Variants in KIF7 observed in about 807,000 individuals in gnomAD.
KIF7 encodes kinesin-like protein KIF7.
KIF7 carries 104 observed loss-of-function variants against 135.7 expected under a neutral mutation model. That is an observed-to-expected ratio of 0.77 (90% CI 0.65 to 0.90). KIF7 has a LOEUF of 0.90. Ranked by LOEUF, KIF7 falls within the 40% of genes least tolerant of loss-of-function variation. The pLI, the probability that KIF7 is intolerant of heterozygous loss-of-function variation, is 0.00. For missense variants in KIF7, 2,005 were observed against 1,839.1 expected (o/e 1.09, Z -1.65); for synonymous variants, 883 against 809.4 (o/e 1.09, Z -1.54).
In KIF7 at chr15:89,642,209, C is replaced by A. The variant is rs781770350; in HGVS notation, c.2388G>T (p.Gln796His). The change falls in exon 11 of 19, where the codon CAG becomes CAT. Residue 796 changes from glutamine (Q) to histidine (H), a missense_variant. Coordinates refer to ENST00000394412, the MANE Select transcript of KIF7 (RefSeq NM_198525.3). ...FRRRVAAAQSQVQVLKEKKQA... is the reference protein window; with the variant it reads ...FRRRVAAAQSHVQVLKEKKQA... ...CTGAGGCCCCGAGACTAACCTGCAC[C>A]TGGCTCTGGGCCGCAGCGACCCTCC... is the stretch of plus-strand genomic sequence containing the variant. 2 of 1,610,346 alleles carry A rather than the reference C, an allele frequency of 1.2e-6. No homozygotes were observed. Among genetic ancestry groups the A allele is most frequent in the Non-Finnish European group, 1.7e-6 (2 of 1,179,564 alleles).
chr15:89,624,983 C>G (rs140397206), downstream of KIF7: 2 of 1,613,972 alleles, frequency 1.2e-6, no homozygotes, highest in Non-Finnish European at 1.7e-6. Flanking sequence ...AGCCCACAGA[C>G]CTATGAGGTT....
Position 89,654,436 on chromosome 15 carries a change from G to A in KIF7, c.-25+963C>T, listed in dbSNP as rs1964176739. Among the ~76,000 whole-genome samples the A allele has an allele frequency of 2.0e-5, 3 of 151,860 alleles. No individual in the cohort carries two copies. The South Asian group carries it at 6.2e-4, about 32-fold the overall frequency. ...TCCTCTCTCTGCCTGCAACGGCTAG[G>A]TGTTACCCAAGCCTCCTCATCCCTC... is the stretch of plus-strand genomic sequence containing the variant. On this transcript the variant is annotated intron_variant, in intron 1 of 18. Transcript: ENST00000394412.
downstream of KIF7, chr15:89,625,006 C>G (rs1178488594): frequency 1.2e-6 from 2 of 1,613,972 alleles, no homozygotes; most frequent in Non-Finnish European, 1.7e-6. Context: ...GCTGGAGATG[C>G]AAGCTTCTGG....
chr15:89,628,606 A>C lies in KIF7; in HGVS notation c.3845T>G (p.Leu1282Arg), dbSNP rs778142943. The change falls in exon 19 of 19, where the codon CTG (leucine) becomes CGG (arginine). Residue 1282 changes from leucine to arginine, a missense_variant. Coordinates refer to ENST00000394412, the MANE Select transcript of KIF7 (RefSeq NM_198525.3). ...PLPLTWKRSS[L>R]CGEEQGSPEE... ...GGGGGACCCCTGCTCCTCACCACAC[A>C]GGCTCGAGCGTTTCCAGGTCAAGGG... The C allele has an allele frequency of 6.2e-7, 1 of 1,613,324 alleles. No homozygotes were observed. Among genetic ancestry groups the C allele is most frequent in the Admixed American group, 1.7e-5 (1 of 60,028 alleles).
At chr15:89,644,654 C>T (rs1235077369) in intron 10 of KIF7, among the ~76,000 whole-genome samples, 1 of 152,104 alleles carries the variant, frequency 6.6e-6, no homozygotes, top group East Asian at 1.9e-4. Flanking sequence ...CACTGCACTC[C>T]AGCCTGGGTG....
In KIF7 at chr15:89,649,235, A is replaced by C. The variant is rs1964082110; in HGVS notation, c.662T>G (p.Phe221Cys). The change falls in exon 4 of 19, where the codon TTC becomes TGC. Residue 221 changes from phenylalanine to cysteine, a missense_variant. By Grantham distance (205) the Phe-to-Cys change is radical. Transcript: ENST00000394412. The stretch of plus-strand genomic sequence containing the variant: ...CCCCCGCTGCTCCAGGGTCACGGTG[A>C]AGACCGTGTGTGAGCGGCTAGACAG... The part of the protein sequence containing the change: ...NHLSSRSHTV[F>C]TVTLEQRGRA... The C allele has an allele frequency of 1.3e-6, 2 of 1,544,848 alleles. No homozygotes were observed. Among genetic ancestry groups the C allele is most frequent in the Non-Finnish European group, 8.7e-7 (1 of 1,143,860 alleles).
chr15:89,652,815 T>C lies in KIF7; in HGVS notation c.116A>G (p.Gln39Arg), dbSNP rs1222167310. Residue 39 changes from glutamine (Q) to arginine (R), a missense_variant, in exon 2 of 19, where the codon CAG (glutamine) becomes CGG (arginine). By Grantham distance (43) the Gln-to-Arg change is conservative. Coordinates refer to ENST00000394412, the MANE Select transcript of KIF7 (RefSeq NM_198525.3). Reference sequence around the variant, plus strand: ...GACGCGGCCAAGCCCTGGCTCCACCTGCAGGCAGCTCTGATGCCCGTGCAG... The same window carrying C: ...GACGCGGCCAAGCCCTGGCTCCACCCGCAGGCAGCTCTGATGCCCGTGCAG... ...ELLHGHQSCLQVEPGLGRVTL... is the reference protein window; with the variant it reads ...ELLHGHQSCLRVEPGLGRVTL... 1 of 1,550,844 alleles carries C rather than the reference T, an allele frequency of 6.4e-7. No individual in the cohort carries two copies. Among genetic ancestry groups the C allele is most frequent in the African/African-American group, 1.4e-5 (1 of 73,056 alleles).
intron 2 of KIF7, 161 bp from the exon 3 acceptor site, chr15:89,650,102 C>A: frequency 1.4e-6 from 1 of 710,572 alleles, no homozygotes; most frequent in Admixed American, 2.3e-5. Context: ...TGAGCTTGGC[C>A]ATGCTCCAGC....
At chr15:89,647,116 G>C in intron 6 of KIF7, 59 bp from the exon 7 acceptor site, 1 of 1,439,934 alleles carries the variant, frequency 6.9e-7, no homozygotes, top group Non-Finnish European at 9.5e-7. Flanking sequence ...CAGGAGTGTA[G>C]GAAACTGAGG....
chr15:89,642,059 C>T, intron 11 of KIF7, 144 bp downstream of exon 11: 3 of 842,172 alleles, frequency 3.6e-6, no homozygotes, highest in Non-Finnish European at 5.5e-6. Context: ...GCTTCTATAC[C>T]AGCCTCACCC....
Position 89,645,161 on chromosome 15 carries a change from A to T in KIF7, c.2043T>A (p.Val681=), listed in dbSNP as rs72750755. The change falls in exon 10 of 19, where the codon GTT becomes GTA. Residue 681 remains valine, a synonymous_variant. Transcript: ENST00000394412. ...LDAAIPGSRA[V]GGSKARVQAR... ...CCTGAACTCGGGCCTTGCTCCCACC[A>T]ACTGCTGCAACAGGCAGCCTGTCAA... 0.039 allele frequency: 62,401 copies of T among 1,604,452 alleles called. 1,447 individuals are homozygous for T. Among genetic ancestry groups the T allele is most frequent in the South Asian group, 0.063 (5,752 of 91,080 alleles).
chr15:89,625,214 G>C (rs753441690), downstream of KIF7: 5 of 1,613,512 alleles, frequency 3.1e-6, no homozygotes, highest in South Asian at 1.1e-5. Flanking sequence ...AGCACACCTG[G>C]CAAGAGCAGG....
chr15:89,642,051 T>C (rs1453791416), intron 11 of KIF7, 152 bp downstream of exon 11: 1 of 797,464 alleles, frequency 1.3e-6, no homozygotes, highest in Admixed American at 2.7e-5. Flanking sequence ...GACCCCCAGC[T>C]TCTATACCAG....
At chr15:89,646,524 C>T (rs1240037420) in intron 7 of KIF7, among the ~76,000 whole-genome samples, 4 of 152,130 alleles carry the variant, frequency 2.6e-5, no homozygotes, top group East Asian at 1.9e-4. Flanking sequence ...ATGAGCTCTC[C>T]GTATGCAGAA....
intron 12 of KIF7, 125 bp from the exon 13 acceptor site, chr15:89,633,391 A>T (rs1038652792): frequency 1.6e-6 from 2 of 1,278,084 alleles, no homozygotes; most frequent in Admixed American, 2.0e-5. Context: ...AGTGTCCCCC[A>T]GACCCATCCC....
At chr15:89,625,210 C>A, downstream of KIF7, 1 of 1,613,740 alleles carries the variant, frequency 6.2e-7, no homozygotes, top group Non-Finnish European at 8.5e-7. Flanking sequence ...CCACAGCACA[C>A]CTGGCAAGAG....
At chr15:89,620,979 C>T (rs977653326) in intron 1 of KIF7, among the ~76,000 whole-genome samples, 2 of 151,130 alleles carry the variant, frequency 1.3e-5, no homozygotes, top group Non-Finnish European at 1.5e-5. Flanking sequence ...CCTCAGCCTC[C>T]CAAAGTGCTG....
At chr15:89,624,765 GGAA>G (rs759654029), downstream of KIF7, 21 of 1,614,094 alleles carry the variant, frequency 1.3e-5, no homozygotes, top group African/African-American at 2.5e-4. Flanking sequence ...TCTTATCAGT[GGAA>G]GAGGGTGAGG....
intron 1 of KIF7, chr15:89,619,926 A>C: frequency 6.7e-7 from 1 of 1,499,562 alleles, no homozygotes; most frequent in African/African-American, 1.4e-5. Flanking sequence ...GAAATTTGAC[A>C]TTTTCTTTCT....
Sources: gnomAD v4.1 joint callset for allele counts (sites outside exome capture counted in the v4.1 genomes callset) on GRCh38, gnomAD v4.1.1 for gene constraint, MANE v1.5 for transcripts, NCBI Gene and HGNC (gene_info 2026-07-23, HGNC 2026-07-21) for gene names.